The following PTPRR variants were observed in gnomAD, a reference collection of about 807,000 sequenced individuals.
PTPRR encodes receptor-type tyrosine-protein phosphatase R.
A neutral mutation model predicts 77.2 loss-of-function variants in PTPRR; 38 were observed. The observed-to-expected ratio is 0.49, with a 90% CI of 0.38 to 0.65. PTPRR has a LOEUF of 0.65. PTPRR is among the 30% of genes least tolerant of loss of function. The probability of loss-of-function intolerance (pLI) is 0.00; values close to 1 mark genes in which losing one functional copy is unlikely to be tolerated. For synonymous variants in PTPRR, 299 were observed against 283.1 expected, an observed-to-expected ratio of 1.06 and a Z score of -0.57; for missense variants, 744 against 799.2, an observed-to-expected ratio of 0.93 and a Z score of 0.83.
chr12:70,671,936 A>C (rs896274594), intron 10 of PTPRR: 9 of 998,908 alleles, frequency 9.0e-6, no homozygotes, highest in Non-Finnish European at 1.2e-5. Context: ...CTCTGGTAGA[A>C]GAAGGTTGCT....
At chr12:70,754,423 C>T (rs1031698957) in intron 4 of PTPRR, 122 bp from the exon 5 acceptor site, 1 of 1,564,158 alleles carries the variant, frequency 6.4e-7, no homozygotes, top group Non-Finnish European at 8.6e-7. Context: ...CACCTACACC[C>T]CCCGCTGCCA....
intron 6 of PTPRR, among the ~76,000 whole-genome samples, chr12:70,735,788 C>T (rs1046824269): frequency 3.9e-5 from 6 of 152,172 alleles, no homozygotes; most frequent in African/African-American, 9.7e-5. Context: ...AGAAATACTG[C>T]CTGCCTCCAG....
rs867725913 is a variant in PTPRR, at chr12:70,783,802, T to A, written c.358-19024A>T. On this transcript the variant is annotated intron_variant, in intron 2 of 13. Coordinates refer to ENST00000283228, the MANE Select transcript of PTPRR (RefSeq NM_002849.4). ...CAGCACCCAGCTGCCCTTAGTCCCC[T>A]TTTAGCTTCCCTTCTTTTTGGCACC... Among the ~76,000 whole-genome samples the A allele has an allele frequency of 2.7e-5, 4 of 146,444 alleles. 1 individual carries two copies. In the South Asian group the frequency reaches 9.0e-4, roughly 33 times the overall value.
At chr12:70,776,411 TC>T (rs1411808299) in intron 2 of PTPRR, among the ~76,000 whole-genome samples, 1 of 152,168 alleles carries the variant, frequency 6.6e-6, no homozygotes, top group Non-Finnish European at 1.5e-5. Flanking sequence ...TCTAATTAAT[TC>T]CCCATATGGA....
At chr12:70,753,083 T>C (rs1890454067) in intron 5 of PTPRR, among the ~76,000 whole-genome samples, 2 of 152,196 alleles carry the variant, frequency 1.3e-5, no homozygotes, top group Non-Finnish European at 1.5e-5. Context: ...TTCATTATGG[T>C]GGAAGATTTA....
At chr12:70,786,766 T>C (rs1891330128) in intron 2 of PTPRR, among the ~76,000 whole-genome samples, 2 of 152,228 alleles carry the variant, frequency 1.3e-5, no homozygotes. Flanking sequence ...AACTATACAA[T>C]TCTCCAAGAA....
chr12:70,863,039 G>A (rs140319051), intron 2 of PTPRR, among the ~76,000 whole-genome samples: 66 of 152,290 alleles, frequency 4.3e-4, no homozygotes, highest in Middle Eastern at 6.8e-3. Flanking sequence ...AGTAGAATAT[G>A]TCTTTTAATC....
At chr12:70,808,945 A>G (rs1891759733) in intron 2 of PTPRR, among the ~76,000 whole-genome samples, 1 of 152,166 alleles carries the variant, frequency 6.6e-6, no homozygotes, top group Admixed American at 6.6e-5. Context: ...CTGTCCTACA[A>G]CTGATTTCTT....
intron 2 of PTPRR, among the ~76,000 whole-genome samples, chr12:70,832,150 C>T (rs778288849): frequency 9.2e-5 from 14 of 152,196 alleles, no homozygotes; most frequent in East Asian, 3.8e-4. Context: ...ATATGCTGGA[C>T]GCTCTGTGAT....
At chr12:70,654,499 C>T (rs904218078) in intron 13 of PTPRR, among the ~76,000 whole-genome samples, 7 of 152,260 alleles carry the variant, frequency 4.6e-5, no homozygotes, top group Admixed American at 2.0e-4. Context: ...CACGCCACTG[C>T]ACTCCAGCTT....
chr12:70,781,313 G>A (rs1350082979), intron 2 of PTPRR, among the ~76,000 whole-genome samples: 1 of 152,208 alleles, frequency 6.6e-6, no homozygotes, highest in African/African-American at 2.4e-5. Context: ...CATGGTAAAT[G>A]GTGTTATGGA....
At chr12:70,806,908 C>T (rs1391012950) in intron 2 of PTPRR, among the ~76,000 whole-genome samples, 1 of 152,166 alleles carries the variant, frequency 6.6e-6, no homozygotes, top group Non-Finnish European at 1.5e-5. Flanking sequence ...CAGAAATTCT[C>T]AAGTCCCTCC....
chr12:70,712,701 C>T (rs952608370), intron 6 of PTPRR, among the ~76,000 whole-genome samples: 2 of 151,780 alleles, frequency 1.3e-5, no homozygotes, highest in Admixed American at 6.6e-5. Context: ...TTTATGCTTG[C>T]TATAAGAAAT....
chr12:70,796,217 C>T (rs945742278), intron 2 of PTPRR, among the ~76,000 whole-genome samples: 1 of 152,064 alleles, frequency 6.6e-6, no homozygotes, highest in Non-Finnish European at 1.5e-5. Context: ...AGCCGCCATG[C>T]CTGGCCGTAT....
At chr12:70,679,195 C>T (rs1887563627) in intron 10 of PTPRR, among the ~76,000 whole-genome samples, 1 of 152,038 alleles carries the variant, frequency 6.6e-6, no homozygotes. Flanking sequence ...TGTTTAGGAG[C>T]ATATTGTTTA....
At chr12:70,728,198 T>A (rs1343793111) in intron 6 of PTPRR, among the ~76,000 whole-genome samples, 3 of 138,372 alleles carry the variant, frequency 2.2e-5, no homozygotes, top group Non-Finnish European at 4.6e-5. Flanking sequence ...GTTTCAGATT[T>A]TGGATTTTTT....
chr12:70,754,099 A>T (rs1890491106), intron 5 of PTPRR, 92 bp downstream of exon 5: 1 of 1,201,162 alleles, frequency 8.3e-7, no homozygotes, highest in South Asian at 1.4e-5. Context: ...TCTGCTCGGA[A>T]GCATTTTAAC....
At chr12:70,754,413 C>T in intron 4 of PTPRR, 112 bp from the exon 5 acceptor site, 1 of 1,566,270 alleles carries the variant, frequency 6.4e-7, no homozygotes, top group Non-Finnish European at 8.6e-7. Flanking sequence ...TAGTGCAACA[C>T]ACCTACACCC....
intron 2 of PTPRR, among the ~76,000 whole-genome samples, chr12:70,867,624 T>G (rs1481557422): frequency 1.3e-5 from 2 of 151,600 alleles, no homozygotes; most frequent in African/African-American, 4.8e-5. Flanking sequence ...AGGTAATTTA[T>G]AGATTCAATG....
Sources: allele counts gnomAD v4.1 joint callset (sites outside exome capture counted in the v4.1 genomes callset), GRCh38; gene constraint gnomAD v4.1.1; transcripts MANE v1.5; gene names NCBI Gene and HGNC (gene_info 2026-07-23, HGNC 2026-07-21).